WDR91: variants seen among roughly 807,000 people sequenced by gnomAD.
WDR91 encodes the protein WD repeat-containing protein 91.
Under a neutral mutation model 88.4 loss-of-function variants are expected in WDR91, and 52 were observed. The observed-to-expected ratio is 0.59, with a 90% CI of 0.47 to 0.74. The LOEUF (loss-of-function observed/expected upper bound fraction) is 0.74, where lower values mean the gene tolerates loss of function less well. WDR91 is among the 30% of genes least tolerant of loss of function. The pLI, the probability that WDR91 is intolerant of heterozygous loss-of-function variation, is 0.00. For missense variants in WDR91, 824 were observed against 954.5 expected (o/e 0.86, Z 1.80); for synonymous variants, 362 against 389.5 (o/e 0.93, Z 0.83).
chr7:135,193,159 G>C, intron 11 of WDR91, 72 bp downstream of exon 11: 2 of 1,549,110 alleles, frequency 1.3e-6, no homozygotes, highest in Non-Finnish European at 1.7e-6. Context: ...AGAGGGAAGA[G>C]GCTCTTCAGA....
At chr7:135,206,822 A>G (rs1239990400) in intron 4 of WDR91, among the ~76,000 whole-genome samples, 4 of 151,828 alleles carry the variant, frequency 2.6e-5, no homozygotes. Context: ...AGACACATGA[A>G]AACAGGTTAG....
At chr7:135,197,898 C>G in intron 7 of WDR91, 95 bp downstream of exon 7, 1 of 1,457,760 alleles carries the variant, frequency 6.9e-7, no homozygotes, top group African/African-American at 1.4e-5. Flanking sequence ...CTCTGCACAG[C>G]TGCAGAACTC....
intron 8 of WDR91, among the ~76,000 whole-genome samples, chr7:135,195,445 G>T (rs185561902): frequency 1.3e-5 from 2 of 152,360 alleles, no homozygotes; most frequent in African/African-American, 4.8e-5. Flanking sequence ...CTGTCAAAAC[G>T]AGAAACCCAT....
At position 135,196,006 on chromosome 7, in the gene WDR91, C is replaced by T. The variant is rs142332820; in HGVS notation, c.1244+138G>A. The T allele has an allele frequency of 7.0e-5, 54 of 776,206 alleles. 1 individual carries two copies. In the African/African-American group the frequency reaches 8.9e-4, roughly 13 times the overall value. The allele number at this position is 776,206 out of a possible 1,614,324, so 48.1% of individuals were successfully genotyped here. A position where few individuals can be genotyped will look rare whatever the true frequency, so the allele number is the denominator to read the frequency against. On this transcript the variant is annotated intron_variant, in intron 8 of 14. Transcript: ENST00000354475. This position sits in a 1 kb window ranked among gnomAD's most constrained non-coding sequence, Gnocchi z 4.2. ...CCAGTCCACTGGCAGCTCCAACCGA[C>T]TCCCATGACTCTACTGCCATGACTG...
intron 6 of WDR91, chr7:135,199,757 C>T (rs944283992): frequency 1.3e-5 from 2 of 152,268 alleles, no homozygotes; most frequent in African/African-American, 4.8e-5. Flanking sequence ...TTATGGGCCC[C>T]TTCCTGCCTT....
At chr7:135,210,174 A>AC (rs1831960335) in intron 1 of WDR91, among the ~76,000 whole-genome samples, 1 of 151,970 alleles carries the variant, frequency 6.6e-6, no homozygotes, top group Non-Finnish European at 1.5e-5. Context: ...ACATGGTGAA[A>AC]CCCCGACTCT....
rs770020249 is a variant in WDR91, at chr7:135,187,024, G to A, written c.2027C>T (p.Ser676Leu). The A allele has an allele frequency of 7.1e-5, 115 of 1,614,112 alleles. 1 individual carries two copies. In the Admixed American group the frequency reaches 1.5e-3, roughly 21 times the overall value. Residue 676 changes from serine (S) to leucine (L), a missense_variant, in exon 14 of 15, where the codon TCG (serine) becomes TTG (leucine). Coordinates refer to ENST00000354475, the MANE Select transcript of WDR91 (RefSeq NM_014149.4). ...VPRGRLFAFD[S>L]EGNYMLTCSA... ...ACATGTCAGCATGTAATTTCCCTCCGAGTCAAAAGCGAAGAGTCGGCCCCT... is the reference window on the plus strand; with the variant it reads ...ACATGTCAGCATGTAATTTCCCTCCAAGTCAAAAGCGAAGAGTCGGCCCCT...
intron 5 of WDR91, 88 bp downstream of exon 5, chr7:135,205,840 G>C: frequency 2.5e-6 from 4 of 1,578,520 alleles, no homozygotes; most frequent in East Asian, 4.5e-5. Flanking sequence ...CAGGCACAGA[G>C]GACTGCAGGC....
intron 6 of WDR91, among the ~76,000 whole-genome samples, chr7:135,202,669 G>C (rs1039737287): frequency 7.2e-5 from 11 of 152,122 alleles, no homozygotes; most frequent in Non-Finnish European, 1.6e-4. Flanking sequence ...TAATGAAATT[G>C]AATTCCATAA....
At position 135,196,479 on chromosome 7, in the gene WDR91, C is replaced by T. The variant is rs1248396531; in HGVS notation, c.1051-142G>A. On this transcript the variant is annotated intron_variant, in intron 7 of 14. Transcript: ENST00000354475. The surrounding 1 kb of genome is among the most constrained non-coding windows in gnomAD (Gnocchi z 4.2). ...GAGTGGAGAGGAGAGCTCTGACCTG[C>T]GAGGGTAGTGCTCAGCTCACCCTGG... 8 of 765,292 alleles carry T rather than the reference C, an allele frequency of 1.0e-5. No individual in the cohort carries two copies. The highest frequency in any genetic ancestry group is 5.2e-5 in the South Asian group (2 of 38,664). 47.4% of individuals were successfully genotyped at this position (765,292 alleles called of 1,614,324 possible).
intron 11 of WDR91, 50 bp from the exon 12 acceptor site, chr7:135,189,502 G>T: frequency 6.7e-7 from 1 of 1,502,516 alleles, no homozygotes; most frequent in South Asian, 1.1e-5. Flanking sequence ...CTCAGCCCAG[G>T]CACGCTGCTT....
intron 11 of WDR91, among the ~76,000 whole-genome samples, chr7:135,190,312 C>T (rs1368661988): frequency 6.6e-6 from 1 of 152,122 alleles, no homozygotes; most frequent in African/African-American, 2.4e-5. Context: ...ACCTACTTCA[C>T]AGAAAGGGAT....
At position 135,186,112 on chromosome 7, in the gene WDR91, G is replaced by A. The variant is rs1424501063; in HGVS notation, c.*39C>T. 26 of 1,561,112 alleles carry A rather than the reference G, an allele frequency of 1.7e-5. No homozygotes were observed. The highest frequency in any genetic ancestry group is 2.1e-5 in the Non-Finnish European group (24 of 1,157,902). The stretch of plus-strand genomic sequence containing the variant: ...TCCTATATCTCCTCCCCCCACCGCA[G>A]ATAATACTGCTTCCTCGGGTGGCCC... On this transcript the variant is annotated 3_prime_UTR_variant, in exon 15 of 15. Coordinates refer to ENST00000354475, the MANE Select transcript of WDR91 (RefSeq NM_014149.4).
chr7:135,203,937 A>G (rs565314785), intron 6 of WDR91, among the ~76,000 whole-genome samples: 1 of 152,324 alleles, frequency 6.6e-6, no homozygotes, highest in African/African-American at 2.4e-5. Context: ...CTACCCAGCA[A>G]TCAAACACCA....
intron 7 of WDR91, chr7:135,197,778 C>A: frequency 1.8e-6 from 1 of 543,878 alleles, no homozygotes; most frequent in East Asian, 3.1e-5. Flanking sequence ...TTTTCTGGCC[C>A]CTACTTAGGG....
At chr7:135,187,275 C>T (rs938706999) in intron 13 of WDR91, 106 bp from the exon 14 acceptor site, 268 of 1,162,632 alleles carry the variant, frequency 2.3e-4, no homozygotes, top group Non-Finnish European at 2.9e-4. Context: ...GAGGGCGACC[C>T]GCCTCCCCCA....
intron 6 of WDR91, chr7:135,200,185 A>C (rs1200263829): frequency 6.6e-6 from 1 of 152,270 alleles, no homozygotes; most frequent in Non-Finnish European, 1.5e-5. Context: ...AAAACTTTTT[A>C]ATAAGTAGGT....
Position 135,196,407 on chromosome 7 carries a change from G to A in WDR91, c.1051-70C>T. Reference sequence around the variant, plus strand: ...CCACACCAGGGTGTACACCGCAGGGGGTCTAGGCCTAGGCTGCAGCATTTT... The same window carrying A: ...CCACACCAGGGTGTACACCGCAGGGAGTCTAGGCCTAGGCTGCAGCATTTT... On this transcript the variant is annotated intron_variant, in intron 7 of 14. Coordinates refer to ENST00000354475, the MANE Select transcript of WDR91 (RefSeq NM_014149.4). This position sits in a 1 kb window ranked among gnomAD's most constrained non-coding sequence, Gnocchi z 4.2. 1 of 1,392,654 alleles carries A rather than the reference G, an allele frequency of 7.2e-7. No homozygotes were observed. Among genetic ancestry groups the A allele is most frequent in the East Asian group, 2.6e-5 (1 of 38,022 alleles). The allele number at this position is 1,392,654 out of a possible 1,614,324, so 86.3% of individuals were successfully genotyped here.
chr7:135,208,698 G>T, intron 3 of WDR91, 93 bp downstream of exon 3: 1 of 1,196,882 alleles, frequency 8.4e-7, no homozygotes, highest in Non-Finnish European at 1.1e-6. Flanking sequence ...CATTTTTGTA[G>T]AAGAAATGCC....
Sources: allele counts gnomAD v4.1 joint callset (sites outside exome capture counted in the v4.1 genomes callset), GRCh38; gene constraint gnomAD v4.1.1; non-coding constraint Gnocchi (gnomAD v3.1); transcripts MANE v1.5; gene names NCBI Gene and HGNC (gene_info 2026-07-23, HGNC 2026-07-21).